Variants in CRTC3 observed in about 807,000 individuals in gnomAD.
CRTC3 encodes CREB regulated transcription coactivator 3.
Under a neutral mutation model 74.5 loss-of-function variants are expected in CRTC3, and 26 were observed. That is an observed-to-expected ratio of 0.35 (90% CI 0.26 to 0.48). CRTC3 has a LOEUF of 0.48. CRTC3 is among the 20% of genes least tolerant of loss of function. CRTC3 has a pLI of 0.99. For missense variants in CRTC3, 760 were observed against 787.3 expected (o/e 0.97, Z 0.41); for synonymous variants, 377 against 325.8 (o/e 1.16, Z -1.69).
chr15:90,641,436 G>A (rs1006203905), intron 14 of CRTC3, among the ~76,000 whole-genome samples: 1 of 152,118 alleles, frequency 6.6e-6, no homozygotes, highest in East Asian at 1.9e-4. Flanking sequence ...GGTGGCTCAC[G>A]CCTGTAATCC....
chr15:90,622,437 A>C (rs1468457334), intron 9 of CRTC3, among the ~76,000 whole-genome samples: 1 of 152,046 alleles, frequency 6.6e-6, no homozygotes, highest in East Asian at 1.9e-4. Flanking sequence ...TCACCCATGG[A>C]TCTTTCTTCT....
At chr15:90,543,618 C>G (rs1966838592) in intron 2 of CRTC3, among the ~76,000 whole-genome samples, 1 of 152,076 alleles carries the variant, frequency 6.6e-6, no homozygotes. Flanking sequence ...TTATTTTGAT[C>G]TTCACATTCT....
At position 90,575,724 on chromosome 15, in the gene CRTC3, A is replaced by T. The variant is rs949710004; in HGVS notation, c.232-17912A>T. Among the ~76,000 whole-genome samples the T allele has an allele frequency of 7.2e-5, 11 of 152,274 alleles. No homozygotes were observed. In the South Asian group the frequency reaches 2.1e-3, roughly 29 times the overall value. On this transcript the variant is annotated intron_variant, in intron 2 of 14. Transcript: ENST00000268184. ...TATTTTAATTAATGATTATAGCTTC[A>T]TATTATATTTTAGAAACCTGGTAAG...
intron 4 of CRTC3, among the ~76,000 whole-genome samples, chr15:90,603,767 C>CT (rs1220436559): frequency 2.0e-5 from 3 of 152,288 alleles, no homozygotes; most frequent in East Asian, 1.9e-4. Context: ...TGACTGAGAA[C>CT]TTACTGTGTA....
At chr15:90,539,415 T>A (rs370153524) in intron 1 of CRTC3, among the ~76,000 whole-genome samples, 2,829 of 37,410 alleles carry the variant, frequency 0.076, 93 homozygotes, top group African/African-American at 0.22. Flanking sequence ...TTTTCTCATA[T>A]GTATATTATA....
intron 3 of CRTC3, chr15:90,593,964 A>G (rs1967859487): frequency 2.2e-6 from 1 of 446,964 alleles, no homozygotes. Context: ...AAGCATCAAT[A>G]AAGTTCAGTT....
At chr15:90,574,427 G>A (rs751242505) in intron 2 of CRTC3, among the ~76,000 whole-genome samples, 18 of 152,090 alleles carry the variant, frequency 1.2e-4, no homozygotes, top group Middle Eastern at 3.2e-3. Flanking sequence ...GCAGTGAGCC[G>A]AGATCGCGCC....
rs1450616210 is a variant in CRTC3, at chr15:90,530,266, G to T, written c.132+63G>T. 2.0e-6 allele frequency: 2 copies of T among 980,290 alleles called. No homozygotes were observed. The highest frequency in any genetic ancestry group is 6.0e-5 in the Admixed American group (1 of 16,746). The allele number at this position is 980,290 out of a possible 1,614,324, so 60.7% of individuals were successfully genotyped here. A position where few individuals can be genotyped will look rare whatever the true frequency, so the allele number is the denominator to read the frequency against. ...GCCGCGGGCGGGACCCGCGCGGCGG[G>T]TGAGAGGTTGCGGGGCCAAGGCGAT... On this transcript the variant is annotated intron_variant, in intron 1 of 14. Transcript: ENST00000268184. This position sits in a 1 kb window ranked among gnomAD's most constrained non-coding sequence, Gnocchi z 6.2.
Position 90,643,936 on chromosome 15 carries a change from A to AG in CRTC3, c.*1797dup, listed in dbSNP as rs1256190089. 3.4e-5 allele frequency: 8 copies of AG among 232,740 alleles called. No homozygotes were observed. Among genetic ancestry groups the AG allele is most frequent in the African/African-American group, 1.8e-4 (8 of 45,398 alleles). The allele number at this position is 232,740 out of a possible 1,614,324, so 14.4% of individuals were successfully genotyped here. On this transcript the variant is annotated 3_prime_UTR_variant, in exon 15 of 15. Coordinates refer to ENST00000268184, the MANE Select transcript of CRTC3 (RefSeq NM_022769.5). ...GCACACCTGTCCCTTATGTAAAAGG[A>AG]GTCGTGGTCACAAGACCCTGGGCTG...
intron 6 of CRTC3, chr15:90,613,570 A>G (rs1047733900): frequency 2.0e-5 from 3 of 152,236 alleles, no homozygotes; most frequent in Non-Finnish European, 4.4e-5. Context: ...CTTATTAAAT[A>G]TGGGTTGAGT....
intron 2 of CRTC3, among the ~76,000 whole-genome samples, chr15:90,575,652 A>G (rs926152579): frequency 5.3e-5 from 8 of 152,240 alleles, no homozygotes; most frequent in East Asian, 3.9e-4. Context: ...GAGACTTCCT[A>G]TTCTCTTTTA....
At chr15:90,640,990 T>TA in intron 13 of CRTC3, 107 bp from the exon 14 acceptor site, 2 of 722,380 alleles carry the variant, frequency 2.8e-6, no homozygotes, top group Non-Finnish European at 5.0e-6. Flanking sequence ...GAAGGGAATA[T>TA]GGATTAGTTT....
chr15:90,628,893 C>T (rs1200697310), intron 10 of CRTC3, among the ~76,000 whole-genome samples: 1 of 152,130 alleles, frequency 6.6e-6, no homozygotes, highest in Non-Finnish European at 1.5e-5. Context: ...ATTTGTTGTA[C>T]AGCCCTAGGG....
At chr15:90,561,558 G>A (rs1337637193) in intron 2 of CRTC3, among the ~76,000 whole-genome samples, 1 of 152,096 alleles carries the variant, frequency 6.6e-6, no homozygotes, top group African/African-American at 2.4e-5. Flanking sequence ...GTAGGACCAG[G>A]AAAGAAGCTA....
chr15:90,632,297 T>C (rs962334977), intron 11 of CRTC3, among the ~76,000 whole-genome samples: 4 of 151,994 alleles, frequency 2.6e-5, no homozygotes, highest in African/African-American at 9.7e-5. Context: ...AATATTTAGA[T>C]TTTTTTTAAA....
chr15:90,553,499 A>G lies in CRTC3; in HGVS notation c.231+13362A>G, dbSNP rs763587929. 7.9e-4 allele frequency among the ~76,000 whole-genome samples: 121 copies of G among 152,232 alleles called. 2 individuals are homozygous for G. The highest frequency in any genetic ancestry group is 2.4e-4 in the Non-Finnish European group (16 of 68,044). ...TATCTAGCCGTACATGTTGAATAGA[A>G]GACTTATAGAATGAGAGAGAAAAGT... On this transcript the variant is annotated intron_variant, in intron 2 of 14. Transcript: ENST00000268184.
At chr15:90,551,380 G>A (rs1966856187) in intron 2 of CRTC3, among the ~76,000 whole-genome samples, 2 of 151,956 alleles carry the variant, frequency 1.3e-5, no homozygotes, top group South Asian at 2.1e-4. Flanking sequence ...TGTCCAATAT[G>A]TTAGTCACTA....
chr15:90,630,470 C>G (rs1401566849), intron 11 of CRTC3, among the ~76,000 whole-genome samples: 1 of 152,148 alleles, frequency 6.6e-6, no homozygotes. Context: ...GAAAAATTAG[C>G]TGGGTGTGGT....
intron 2 of CRTC3, among the ~76,000 whole-genome samples, chr15:90,568,407 G>A (rs1967175240): frequency 6.6e-6 from 1 of 151,996 alleles, no homozygotes; most frequent in Admixed American, 6.6e-5. Flanking sequence ...CTGGAGTGCA[G>A]TGGTGCAATC....
Sources: allele counts gnomAD v4.1 joint callset (sites outside exome capture counted in the v4.1 genomes callset), GRCh38; gene constraint gnomAD v4.1.1; non-coding constraint Gnocchi (gnomAD v3.1); transcripts MANE v1.5; gene names NCBI Gene and HGNC (gene_info 2026-07-23, HGNC 2026-07-21).